RBBP4: variants seen among roughly 807,000 people sequenced by gnomAD.
RBBP4 encodes the protein histone-binding protein RBBP4.
A neutral mutation model predicts 57.2 loss-of-function variants in RBBP4; 3 were observed. The ratio of observed to expected loss-of-function variants is 0.05; its 90% CI spans 0.02 to 0.14. RBBP4 has a LOEUF of 0.14. RBBP4 is among the 10% of genes least tolerant of loss of function. The pLI, the probability that RBBP4 is intolerant of heterozygous loss-of-function variation, is 1.00. For synonymous variants in RBBP4, 151 were observed against 171.5 expected (o/e 0.88, Z 0.93); for missense variants, 107 against 520.6 (o/e 0.21, Z 7.73).
intron 1 of RBBP4, 126 bp from the exon 2 acceptor site, chr1:32,651,788 C>T (rs958277013): frequency 1.7e-6 from 2 of 1,148,514 alleles, no homozygotes; most frequent in East Asian, 2.6e-5. Flanking sequence ...GATGCCTCTG[C>T]CGTGGGGATT....
intron 8 of RBBP4, among the ~76,000 whole-genome samples, chr1:32,670,045 A>G (rs1053157218): frequency 6.6e-6 from 1 of 152,070 alleles, no homozygotes; most frequent in East Asian, 1.9e-4. Context: ...GTTATTGACC[A>G]CTTACATTCT....
chr1:32,671,894 A>G (rs1648895303), intron 8 of RBBP4, among the ~76,000 whole-genome samples: 1 of 152,146 alleles, frequency 6.6e-6, no homozygotes, highest in East Asian at 1.9e-4. Context: ...CTTCCGTCTC[A>G]AGAAAAAGTG....
rs1649017215 is a variant in RBBP4, at chr1:32,674,612, TCA to T, written c.1212+1712_1212+1713del. Among the ~76,000 whole-genome samples the T allele has an allele frequency of 2.6e-5, 4 of 152,080 alleles. No homozygotes were observed. The South Asian group carries it at 8.4e-4, about 32-fold the overall frequency. On this transcript the variant is annotated intron_variant, in intron 11 of 11. Coordinates refer to ENST00000373493, the MANE Select transcript of RBBP4 (RefSeq NM_005610.3). The stretch of plus-strand genomic sequence containing the variant: ...GAATTCAGAAGAAACTTGGTGTCTC[TCA>T]GAGTAGATCTAGTACCAGGAATTAA...
chr1:32,654,844 C>G (rs1421374079), intron 2 of RBBP4, among the ~76,000 whole-genome samples: 1 of 152,118 alleles, frequency 6.6e-6, no homozygotes, highest in Non-Finnish European at 1.5e-5. Context: ...CAGGCACCCG[C>G]CACCACGCCC....
chr1:32,659,289 G>A (rs1410445765), intron 3 of RBBP4, among the ~76,000 whole-genome samples: 1 of 151,738 alleles, frequency 6.6e-6, no homozygotes, highest in East Asian at 1.9e-4. Context: ...GGCCGGGTGC[G>A]GTGAGTCACT....
At chr1:32,660,662 CACCTCAG>C (rs1204168416) in intron 3 of RBBP4, among the ~76,000 whole-genome samples, 1 of 151,806 alleles carries the variant, frequency 6.6e-6, no homozygotes, top group Non-Finnish European at 1.5e-5. Flanking sequence ...TCAATCTTCC[CACCTCAG>C]ACCTCCCATT....
At chr1:32,662,285 C>G (rs1002618930) in intron 3 of RBBP4, 1 of 278,924 alleles carries the variant, frequency 3.6e-6, no homozygotes, top group Non-Finnish European at 7.8e-6. Flanking sequence ...GCCTCCGCCT[C>G]CTGGGTTCAA....
rs147923191 is a variant in RBBP4 at position 32,670,819 on chromosome 1, G to A, written c.966+1256G>A. On this transcript the variant is annotated intron_variant, in intron 8 of 11. Transcript: ENST00000373493. ...TTTTGTCAAGTGTTATGAACCTGAG[G>A]GTGGTAAAGATTAATTCTGGTGTGT... is the stretch of plus-strand genomic sequence containing the variant. 2.5e-3 allele frequency among the ~76,000 whole-genome samples: 383 copies of A among 152,304 alleles called. 2 individuals are homozygous for A. In the Middle Eastern group the frequency reaches 0.027, roughly 11 times the overall value.
intron 3 of RBBP4, among the ~76,000 whole-genome samples, chr1:32,661,071 C>T (rs573261832): frequency 7.0e-4 from 106 of 152,256 alleles, no homozygotes; most frequent in African/African-American, 2.5e-3. Flanking sequence ...ACTTTGGCTT[C>T]CCAAAGTTCT....
At position 32,651,228 on chromosome 1, in the gene RBBP4, G is replaced by T; in HGVS notation, c.-79G>T. The T allele has an allele frequency of 1.3e-6, 2 of 1,501,090 alleles. No homozygotes were observed. Among genetic ancestry groups the T allele is most frequent in the South Asian group, 1.2e-5 (1 of 81,082 alleles). 93.0% of individuals were successfully genotyped at this position (1,501,090 alleles called of 1,614,324 possible). A position where few individuals can be genotyped will look rare whatever the true frequency, so the allele number is the denominator to read the frequency against. On this transcript the variant is annotated 5_prime_UTR_variant, in exon 1 of 12. Transcript: ENST00000373493. ...GCGCAGGAAACAATAGAGGCCGCGC[G>T]CACAGAGCGAGCTCTTGCAGCCTCC... is the stretch of plus-strand genomic sequence containing the variant.
chr1:32,676,837 G>A (rs1371566892), intron 11 of RBBP4, among the ~76,000 whole-genome samples: 4 of 151,930 alleles, frequency 2.6e-5, no homozygotes, highest in African/African-American at 9.7e-5. Context: ...CAGTTCCTTG[G>A]GAGGCTGAAG....
chr1:32,666,980 G>T (rs559075638), intron 3 of RBBP4, among the ~76,000 whole-genome samples: 1 of 152,216 alleles, frequency 6.6e-6, no homozygotes, highest in East Asian at 1.9e-4. Flanking sequence ...TGTCACGCCC[G>T]CATAAGGGCC....
intron 2 of RBBP4, among the ~76,000 whole-genome samples, chr1:32,655,101 G>C (rs1648076081): frequency 6.6e-6 from 1 of 152,064 alleles, no homozygotes; most frequent in Non-Finnish European, 1.5e-5. Context: ...GAATCCTCCT[G>C]CCTCAGCCTC....
chr1:32,670,200 A>T (rs1648811292), intron 8 of RBBP4, among the ~76,000 whole-genome samples: 1 of 152,202 alleles, frequency 6.6e-6, no homozygotes. Flanking sequence ...AAAAATTTAC[A>T]AAGAAAGGAA....
chr1:32,679,551 T>C, intron 11 of RBBP4, 89 bp from the exon 12 acceptor site: 2 of 1,205,378 alleles, frequency 1.7e-6, no homozygotes, highest in Middle Eastern at 4.0e-4. Context: ...AAGTATTTAC[T>C]CTCTGGCTTC....
chr1:32,657,276 TA>T, intron 2 of RBBP4, 150 bp from the exon 3 acceptor site: 6 of 742,978 alleles, frequency 8.1e-6, no homozygotes, highest in African/African-American at 1.8e-5. Flanking sequence ...ACTCTATTTA[TA>T]AAAAAAGAAA....
Position 32,657,538 on chromosome 1 carries a change from G to A in RBBP4, c.276G>A (p.Gln92=). ...ASVQLPNDDA[Q]FDASHYDSEK... is the part of the protein sequence containing the mutation. The stretch of plus-strand genomic sequence containing the variant: ...TGCAGCTCCCTAATGATGATGCTCA[G>A]TTTGATGCGTCACACTACGACAGTG... Residue 92 remains glutamine (Q), a synonymous_variant, in exon 3 of 12, where the codon CAG becomes CAA. Coordinates refer to ENST00000373493, the MANE Select transcript of RBBP4 (RefSeq NM_005610.3). The A allele has an allele frequency of 1.2e-6, 2 of 1,614,110 alleles. No individual in the cohort carries two copies. Among genetic ancestry groups the A allele is most frequent in the Non-Finnish European group, 8.5e-7 (1 of 1,180,028 alleles).
chr1:32,672,302 G>A, intron 8 of RBBP4, 148 bp from the exon 9 acceptor site: 1 of 670,396 alleles, frequency 1.5e-6, no homozygotes, highest in Non-Finnish European at 2.5e-6. Flanking sequence ...AAATTCTTTA[G>A]CTCTTAATTT....
intron 3 of RBBP4, among the ~76,000 whole-genome samples, chr1:32,667,051 A>G (rs1261294218): frequency 1.3e-5 from 2 of 152,162 alleles, no homozygotes; most frequent in Admixed American, 1.3e-4. Flanking sequence ...ATTACTTAGC[A>G]GACTGTGAAA....
Sources: gnomAD v4.1 joint callset for allele counts (sites outside exome capture counted in the v4.1 genomes callset) on GRCh38, gnomAD v4.1.1 for gene constraint, MANE v1.5 for transcripts, NCBI Gene and HGNC (gene_info 2026-07-23, HGNC 2026-07-21) for gene names.